Variants in RBM33 observed in about 807,000 individuals in gnomAD.
RBM33 encodes the protein RNA binding motif protein 33, also known as RNA-binding protein 33.
In RBM33, 28 loss-of-function variants were observed where a neutral mutation model predicts 132.6. The observed-to-expected ratio is 0.21, with a 90% CI of 0.16 to 0.29. The LOEUF (loss-of-function observed/expected upper bound fraction) is 0.29, where lower values mean the gene tolerates loss of function less well. RBM33 is among the 10% of genes least tolerant of loss of function. RBM33 has a pLI of 1.00. For missense variants in RBM33, 1,291 were observed against 1,518.5 expected (o/e 0.85, Z 2.49); for synonymous variants, 634 against 593.0 (o/e 1.07, Z -1.01).
At chr7:155,700,575 T>TTG (rs1799932469) in intron 5 of RBM33, among the ~76,000 whole-genome samples, 198 bp from the exon 6 acceptor site, 1 of 71,192 alleles carries the variant, frequency 1.4e-5, no homozygotes, top group Non-Finnish European at 2.7e-5. Flanking sequence ...TTTTTTTTTT[T>TTG]GAACATTAAC....
At chr7:155,673,766 G>GTGCA (rs1554469942) in intron 3 of RBM33, among the ~76,000 whole-genome samples, 21 of 120,298 alleles carry the variant, frequency 1.7e-4, no homozygotes, top group Non-Finnish European at 3.1e-4. Flanking sequence ...GCGCGCATGC[G>GTGCA]CGCACACACA....
chr7:155,771,936 C>G (rs1015393979), intron 16 of RBM33, among the ~76,000 whole-genome samples: 5 of 152,042 alleles, frequency 3.3e-5, no homozygotes, highest in African/African-American at 1.2e-4. Flanking sequence ...GAGACAGGCC[C>G]TCACTTGAGT....
intron 3 of RBM33, among the ~76,000 whole-genome samples, chr7:155,677,719 GTTTT>G (rs1799223808): frequency 6.6e-6 from 1 of 152,182 alleles, no homozygotes; most frequent in Non-Finnish European, 1.5e-5. Flanking sequence ...ATACAGGTAA[GTTTT>G]TATAAGGTGT....
chr7:155,673,018 G>T, intron 3 of RBM33, 103 bp downstream of exon 3: 1 of 677,606 alleles, frequency 1.5e-6, no homozygotes, highest in South Asian at 2.7e-5. Context: ...GGAAAGTTGG[G>T]TATAGATTAA....
Position 155,774,886 on chromosome 7 carries a change from G to A in RBM33, c.3465-107G>A, listed in dbSNP as rs1802552814. The A allele has an allele frequency of 8.9e-6, 9 of 1,009,660 alleles. No individual in the cohort carries two copies. Among genetic ancestry groups the A allele is most frequent in the South Asian group, 7.0e-5 (5 of 71,214 alleles). 62.5% of individuals were successfully genotyped at this position (1,009,660 alleles called of 1,614,324 possible). A position where few individuals can be genotyped will look rare whatever the true frequency, so the allele number is the denominator to read the frequency against. On this transcript the variant is annotated intron_variant, in intron 17 of 17. Coordinates refer to ENST00000401878, the MANE Select transcript of RBM33 (RefSeq NM_053043.3). The surrounding 1 kb of genome is among the most constrained non-coding windows in gnomAD (Gnocchi z 4.2). ...GGGAATCTGCCTTTTTATATGATGC[G>A]TTTTTATTAAACAGGACCCACCGGG...
intron 5 of RBM33, among the ~76,000 whole-genome samples, chr7:155,691,411 G>A (rs1364927101): frequency 6.6e-6 from 1 of 152,108 alleles, no homozygotes; most frequent in East Asian, 1.9e-4. Flanking sequence ...CGATGGGTTC[G>A]AACTTCCTCA....
At chr7:155,770,022 G>A (rs1048194303) in intron 16 of RBM33, among the ~76,000 whole-genome samples, 7 of 152,174 alleles carry the variant, frequency 4.6e-5, no homozygotes, top group South Asian at 2.1e-4. Context: ...AGAAGCATGC[G>A]TAAGACAGGG....
chr7:155,774,879 A>G lies in RBM33; in HGVS notation c.3465-114A>G, dbSNP rs1802552442. The G allele has an allele frequency of 1.1e-6, 1 of 940,744 alleles. No individual in the cohort carries two copies. Among genetic ancestry groups the G allele is most frequent in the Non-Finnish European group, 1.7e-6 (1 of 599,598 alleles). 58.3% of individuals were successfully genotyped at this position (940,744 alleles called of 1,614,324 possible). A position where few individuals can be genotyped will look rare whatever the true frequency, so the allele number is the denominator to read the frequency against. ...CTTCCCGGGGAATCTGCCTTTTTATATGATGCGTTTTTATTAAACAGGACC... is the reference window on the plus strand; with the variant it reads ...CTTCCCGGGGAATCTGCCTTTTTATGTGATGCGTTTTTATTAAACAGGACC... On this transcript the variant is annotated intron_variant, in intron 17 of 17. Coordinates refer to ENST00000401878, the MANE Select transcript of RBM33 (RefSeq NM_053043.3). This position sits in a 1 kb window ranked among gnomAD's most constrained non-coding sequence, Gnocchi z 4.2.
chr7:155,645,042 C>T (rs1034789703), intron 1 of RBM33, 123 bp downstream of exon 1: 7 of 665,054 alleles, frequency 1.1e-5, no homozygotes, highest in African/African-American at 7.7e-5. Context: ...TCTTTGTGTT[C>T]GGCCTATTCC....
At chr7:155,766,831 T>C (rs1802238403) in intron 16 of RBM33, 176 bp downstream of exon 16, 2 of 644,372 alleles carry the variant, frequency 3.1e-6, no homozygotes, top group South Asian at 3.8e-5. Context: ...GCCTCAAACG[T>C]TTATTTTGAA....
At chr7:155,731,299 A>G (rs999054714) in intron 9 of RBM33, among the ~76,000 whole-genome samples, 3 of 152,184 alleles carry the variant, frequency 2.0e-5, no homozygotes, top group Admixed American at 2.0e-4. Flanking sequence ...ACCTTATCCG[A>G]GGGGCGTGTA....
rs77576672 is a variant in RBM33 at position 155,658,180 on chromosome 7, T to C, written c.44-6995T>C. Among the ~76,000 whole-genome samples, 1,290 of 152,324 alleles carry C rather than the reference T, an allele frequency of 8.5e-3. 17 individuals carry two copies. Among genetic ancestry groups the C allele is most frequent in the African/African-American group, 0.029 (1,213 of 41,576 alleles). On this transcript the variant is annotated intron_variant, in intron 1 of 17. Transcript: ENST00000401878. ...TATGTTTATAATTGTTATATCTTGA[T>C]GAATTGACCCTTTGATCGGTATACA...
chr7:155,765,136 C>G (rs141700016), intron 15 of RBM33, among the ~76,000 whole-genome samples: 19 of 152,146 alleles, frequency 1.2e-4, no homozygotes, highest in Admixed American at 2.0e-4. Context: ...TGTAAATGCT[C>G]CTGTGACTGA....
At chr7:155,663,127 A>G (rs766579607) in intron 1 of RBM33, among the ~76,000 whole-genome samples, 1 of 152,042 alleles carries the variant, frequency 6.6e-6, no homozygotes, top group Non-Finnish European at 1.5e-5. Flanking sequence ...GGAGCTCCTC[A>G]TTCTGTCATA....
At chr7:155,673,567 T>TACACACGTGTATATATATATACACAC (rs1402190021) in intron 3 of RBM33, among the ~76,000 whole-genome samples, 1 of 98,504 alleles carries the variant, frequency 1.0e-5, no homozygotes, top group Non-Finnish European at 2.1e-5. Flanking sequence ...TATACACACA[T>TACACACGTGTATATATATATACACAC]ATACATACAC....
chr7:155,651,331 T>C (rs563618835), intron 1 of RBM33, among the ~76,000 whole-genome samples: 1 of 152,274 alleles, frequency 6.6e-6, no homozygotes, highest in South Asian at 2.1e-4. Context: ...TTGGCGGTAT[T>C]GTTGTGTTTT....
In RBM33 at chr7:155,745,439, A is replaced by G. The variant is rs1458905345; in HGVS notation, c.2816A>G (p.Glu939Gly). 1.2e-6 allele frequency: 2 copies of G among 1,613,840 alleles called. No individual in the cohort carries two copies. The highest frequency in any genetic ancestry group is 3.3e-5 in the Admixed American group (2 of 59,990). The part of the protein sequence containing the change: ...KVLPIKPADV[E>G]EPAVPQTPRV... Reference sequence around the variant, plus strand: ...CTCCCGATCAAACCTGCAGATGTGGAGGAGCCAGCTGTCCCCCAGACTCCT... The same window carrying G: ...CTCCCGATCAAACCTGCAGATGTGGGGGAGCCAGCTGTCCCCCAGACTCCT... Residue 939 changes from glutamate to glycine, a missense_variant, in exon 14 of 18, where the codon GAG becomes GGG. Glu to Gly is a moderately conservative substitution (Grantham distance 98). Coordinates refer to ENST00000401878, the MANE Select transcript of RBM33 (RefSeq NM_053043.3). This position sits in a 1 kb window ranked among gnomAD's most constrained non-coding sequence, Gnocchi z 4.1.
chr7:155,758,401 C>T (rs35825605), intron 14 of RBM33, among the ~76,000 whole-genome samples: 15,249 of 152,192 alleles, frequency 0.1, 936 homozygotes, highest in East Asian at 0.28. Context: ...GAAATTGTTG[C>T]ACCTCAGATC....
At position 155,721,862 on chromosome 7, in the gene RBM33, A is replaced by G. The variant is rs576474372; in HGVS notation, c.1260+3419A>G. On this transcript the variant is annotated intron_variant, in intron 9 of 17. Coordinates refer to ENST00000401878, the MANE Select transcript of RBM33 (RefSeq NM_053043.3). The stretch of plus-strand genomic sequence containing the variant: ...CTTGTTAATTAGCATTATTTGGAGA[A>G]TTTAAGAAATGATTTTTAAAACAAA... Among the ~76,000 whole-genome samples the G allele has an allele frequency of 3.3e-5, 5 of 152,326 alleles. No individual in the cohort carries two copies. The South Asian group carries it at 1.0e-3, about 32-fold the overall frequency.
Sources: gnomAD v4.1 joint callset for allele counts (sites outside exome capture counted in the v4.1 genomes callset) on GRCh38, gnomAD v4.1.1 for gene constraint, Gnocchi (gnomAD v3.1) non-coding constraint, MANE v1.5 for transcripts, NCBI Gene and HGNC (gene_info 2026-07-23, HGNC 2026-07-21) for gene names.